SETD3: variants seen among roughly 807,000 people sequenced by gnomAD.
SETD3 encodes the protein actin-histidine N-methyltransferase.
A neutral mutation model predicts 63.0 loss-of-function variants in SETD3; 19 were observed. That is an observed-to-expected ratio of 0.30 (90% CI 0.21 to 0.44). SETD3 has a LOEUF of 0.44. SETD3 is among the 20% of genes least tolerant of loss of function. The pLI is 1.00. For missense variants in SETD3, 587 were observed against 728.5 expected (o/e 0.81, Z 2.24); for synonymous variants, 286 against 264.1 (o/e 1.08, Z -0.80).
chr14:99,400,168 C>T lies in SETD3; in HGVS notation c.1269G>A (p.Glu423=). ...NSEFPVSWDN[E]VKLWTFLEDR... ...CTTCAAGAAATGTCCAAAGTTTGACCTCGTTGTCCCAGCTAACAGGAAATT... is the reference window on the plus strand; with the variant it reads ...CTTCAAGAAATGTCCAAAGTTTGACTTCGTTGTCCCAGCTAACAGGAAATT... Residue 423 remains glutamate, a synonymous_variant, in exon 12 of 13, where the codon GAG becomes GAA. Coordinates refer to ENST00000331768, the MANE Select transcript of SETD3 (RefSeq NM_032233.3). 6.2e-7 allele frequency: 1 copy of T among 1,614,096 alleles called. No homozygotes were observed. The highest frequency in any genetic ancestry group is 8.5e-7 in the Non-Finnish European group (1 of 1,179,998).
At chr14:99,420,235 C>A (rs1478867312) in intron 6 of SETD3, among the ~76,000 whole-genome samples, 1 of 152,164 alleles carries the variant, frequency 6.6e-6, no homozygotes, top group Non-Finnish European at 1.5e-5. Flanking sequence ...AGCATCTCTT[C>A]CCCTCCAGTC....
chr14:99,406,173 AAC>A (rs1455283990), intron 9 of SETD3, among the ~76,000 whole-genome samples: 1 of 151,422 alleles, frequency 6.6e-6, no homozygotes, highest in Non-Finnish European at 1.5e-5. Context: ...AAATAAAGGC[AAC>A]AGTTTATGAA....
intron 6 of SETD3, among the ~76,000 whole-genome samples, chr14:99,416,759 A>G (rs1019991171): frequency 1.3e-5 from 2 of 152,206 alleles, no homozygotes; most frequent in Non-Finnish European, 2.9e-5. Context: ...GATTTTCTCC[A>G]GATTTTTTAA....
intron 1 of SETD3, among the ~76,000 whole-genome samples, chr14:99,480,526 T>A (rs1896242117): frequency 6.7e-6 from 1 of 150,354 alleles, no homozygotes; most frequent in African/African-American, 2.4e-5. Context: ...CGCCGGGCCC[T>A]CCTCGCCCTG....
chr14:99,426,120 GC>G (rs879913436), intron 6 of SETD3, among the ~76,000 whole-genome samples: 2 of 151,718 alleles, frequency 1.3e-5, no homozygotes, highest in Non-Finnish European at 2.9e-5. Flanking sequence ...GGAATAATCC[GC>G]CCCCCCATCC....
chr14:99,453,837 A>G (rs1230574101), intron 6 of SETD3, among the ~76,000 whole-genome samples: 2 of 152,118 alleles, frequency 1.3e-5, no homozygotes, highest in Non-Finnish European at 2.9e-5. Flanking sequence ...AGAAAAAAAA[A>G]AAGCTCATTA....
At chr14:99,446,907 G>A (rs1432931838) in intron 6 of SETD3, among the ~76,000 whole-genome samples, 2 of 143,072 alleles carry the variant, frequency 1.4e-5, no homozygotes, top group Non-Finnish European at 3.1e-5. Context: ...CAGGCTCCAA[G>A]GCAGGGACAC....
At chr14:99,453,708 C>T (rs1595237788) in intron 6 of SETD3, among the ~76,000 whole-genome samples, 1 of 151,952 alleles carries the variant, frequency 6.6e-6, no homozygotes, top group African/African-American at 2.4e-5. Flanking sequence ...CACCTGTTAT[C>T]CCAGCTACTC....
intron 1 of SETD3, among the ~76,000 whole-genome samples, chr14:99,478,172 A>T (rs1250252792): frequency 6.6e-6 from 1 of 152,222 alleles, no homozygotes; most frequent in African/African-American, 2.4e-5. Flanking sequence ...CAAATATTAT[A>T]ACTGGCCACA....
intron 4 of SETD3, among the ~76,000 whole-genome samples, chr14:99,460,164 T>G (rs1336332838): frequency 1.3e-5 from 2 of 151,968 alleles, no homozygotes; most frequent in Non-Finnish European, 2.9e-5. Context: ...AGAGACTGGT[T>G]TTTTTGGAAG....
chr14:99,476,595 A>G (rs1392526897), intron 1 of SETD3, among the ~76,000 whole-genome samples: 2 of 152,248 alleles, frequency 1.3e-5, no homozygotes, highest in Non-Finnish European at 2.9e-5. Flanking sequence ...CAAAAATGTT[A>G]TTAGACACTA....
At chr14:99,474,299 T>A (rs1895855639) in intron 1 of SETD3, among the ~76,000 whole-genome samples, 1 of 152,166 alleles carries the variant, frequency 6.6e-6, no homozygotes, top group Admixed American at 6.5e-5. Flanking sequence ...TACTCCAGCC[T>A]GGGCGACAGA....
At chr14:99,410,812 G>C (rs1409105692) in intron 8 of SETD3, among the ~76,000 whole-genome samples, 1 of 152,128 alleles carries the variant, frequency 6.6e-6, no homozygotes, top group Non-Finnish European at 1.5e-5. Context: ...TGATTCTTCT[G>C]TTTCTACTAC....
chr14:99,409,983 G>C (rs185670086), intron 8 of SETD3: 56 of 434,418 alleles, frequency 1.3e-4, no homozygotes, highest in East Asian at 8.6e-4. Flanking sequence ...TGGGAGGCGG[G>C]GGGGTGAACC....
chr14:99,410,593 T>G (rs1891933083), intron 8 of SETD3, among the ~76,000 whole-genome samples: 1 of 152,206 alleles, frequency 6.6e-6, no homozygotes, highest in East Asian at 1.9e-4. Flanking sequence ...GCTGCTTACA[T>G]TAAGTTTGAA....
rs1209676436 is a variant in SETD3, at chr14:99,398,621, G to C, written c.*58C>G. The C allele has an allele frequency of 1.4e-6, 2 of 1,472,196 alleles. No homozygotes were observed. Among genetic ancestry groups the C allele is most frequent in the Non-Finnish European group, 1.9e-6 (2 of 1,065,094 alleles). The allele number at this position is 1,472,196 out of a possible 1,614,324, so 91.2% of individuals were successfully genotyped here. ...TGTTAACAAGGAAACACAGCGATGT[G>C]AACGGACTGTCCGTCAACTCCTGCT... On this transcript the variant is annotated 3_prime_UTR_variant, in exon 13 of 13. Transcript: ENST00000331768.
At chr14:99,436,623 C>G (rs1396204522) in intron 6 of SETD3, among the ~76,000 whole-genome samples, 1 of 152,170 alleles carries the variant, frequency 6.6e-6, no homozygotes, top group Non-Finnish European at 1.5e-5. Flanking sequence ...TTTCTTAATG[C>G]AAATTTGCTT....
upstream of SETD3, among the ~76,000 whole-genome samples, chr14:99,482,049 A>G (rs1896347532): frequency 6.6e-6 from 1 of 152,180 alleles, no homozygotes; most frequent in South Asian, 2.1e-4. Flanking sequence ...TTGGTTTGTT[A>G]TGAGAGAAAT....
rs777476961 is a variant in SETD3, at chr14:99,458,296, A to G, written c.658T>C (p.Phe220Leu). The change falls in exon 6 of 13, where the codon TTC becomes CTC. Residue 220 changes from phenylalanine to leucine, a missense_variant. Coordinates refer to ENST00000331768, the MANE Select transcript of SETD3 (RefSeq NM_032233.3). ...YKNTARQYAY[F>L]YKVIQTHPHA... ...CTGCTCACCTGGATGACTTTATAGAAGTAGGCGTACTGTCGAGCTGTGTTT... is the reference window on the plus strand; with the variant it reads ...CTGCTCACCTGGATGACTTTATAGAGGTAGGCGTACTGTCGAGCTGTGTTT... 4.3e-6 allele frequency: 7 copies of G among 1,613,714 alleles called. No homozygotes were observed. The highest frequency in any genetic ancestry group is 5.9e-6 in the Non-Finnish European group (7 of 1,179,666).
Sources: allele counts gnomAD v4.1 joint callset (sites outside exome capture counted in the v4.1 genomes callset), GRCh38; gene constraint gnomAD v4.1.1; transcripts MANE v1.5; gene names NCBI Gene and HGNC (gene_info 2026-07-23, HGNC 2026-07-21).